Variants in TPD52L1 observed in about 807,000 individuals in gnomAD.
TPD52L1 encodes TPD52 like 1.
A neutral mutation model predicts 28.7 loss-of-function variants in TPD52L1; 18 were observed. That is an observed-to-expected ratio of 0.63 (90% CI 0.43 to 0.93). The LOEUF (loss-of-function observed/expected upper bound fraction) is 0.93. Ranked by LOEUF, TPD52L1 falls within the 40% of genes least tolerant of loss-of-function variation. The probability of loss-of-function intolerance (pLI) is 0.00; values close to 1 mark genes in which losing one functional copy is unlikely to be tolerated. For missense variants in TPD52L1, 203 were observed against 254.8 expected, an observed-to-expected ratio of 0.80 and a Z score of 1.39; for synonymous variants, 75 against 88.8, an observed-to-expected ratio of 0.84 and a Z score of 0.88.
rs1356589722 is a variant in TPD52L1, at chr6:125,251,051, TTA to T, written c.387-2665_387-2664del. Among the ~76,000 whole-genome samples, 3 of 152,204 alleles carry T rather than the reference TTA, an allele frequency of 2.0e-5. No homozygotes were observed. In the East Asian group the frequency reaches 5.8e-4, roughly 29 times the overall value. Reference sequence around the variant, plus strand: ...AAAGCAACAAGTTTTACAAAGATTTTTACTTTTAAATTATGCCCAAACAAGTA... The same window carrying T: ...AAAGCAACAAGTTTTACAAAGATTTTCTTTTAAATTATGCCCAAACAAGTA... On this transcript the variant is annotated intron_variant, in intron 4 of 6. Transcript: ENST00000534000.
chr6:125,215,415 G>C (rs940075102), intron 1 of TPD52L1, among the ~76,000 whole-genome samples: 1 of 152,042 alleles, frequency 6.6e-6, no homozygotes, highest in African/African-American at 2.4e-5. Context: ...TTTTCATTTT[G>C]TCTCTGTTTA....
At chr6:125,197,942 G>A (rs966190684) in intron 1 of TPD52L1, among the ~76,000 whole-genome samples, 5 of 152,212 alleles carry the variant, frequency 3.3e-5, no homozygotes, top group Non-Finnish European at 5.9e-5. Context: ...GGCAGGCCAA[G>A]GGATCGGTTA....
At chr6:125,220,700 A>G (rs1430215229) in intron 2 of TPD52L1, among the ~76,000 whole-genome samples, 1 of 152,190 alleles carries the variant, frequency 6.6e-6, no homozygotes, top group African/African-American at 2.4e-5. Context: ...GGTAGAGAGG[A>G]AAGCAATGCT....
chr6:125,156,537 G>A (rs1186878806), intron 1 of TPD52L1, among the ~76,000 whole-genome samples: 1 of 151,490 alleles, frequency 6.6e-6, no homozygotes, highest in African/African-American at 2.4e-5. Flanking sequence ...TGGGAGGCTG[G>A]AGGAGACAGA....
At chr6:125,196,765 C>T (rs147256977) in intron 1 of TPD52L1, among the ~76,000 whole-genome samples, 14 of 152,236 alleles carry the variant, frequency 9.2e-5, no homozygotes, top group East Asian at 3.9e-4. Flanking sequence ...ATGGTGTCTA[C>T]GGACTTATAA....
chr6:125,194,084 C>T (rs1194012238), intron 1 of TPD52L1, among the ~76,000 whole-genome samples: 2 of 140,208 alleles, frequency 1.4e-5, no homozygotes, highest in East Asian at 4.2e-4. Flanking sequence ...AGGCCCCATG[C>T]TTTTTAGTTT....
chr6:125,238,509 G>A (rs1796417534), intron 3 of TPD52L1, among the ~76,000 whole-genome samples: 1 of 150,058 alleles, frequency 6.7e-6, no homozygotes, highest in Non-Finnish European at 1.5e-5. Context: ...CACCCCCCTC[G>A]AACCCTTTCC....
intron 1 of TPD52L1, among the ~76,000 whole-genome samples, chr6:125,214,636 A>G (rs531760931): frequency 6.6e-6 from 1 of 152,312 alleles, no homozygotes; most frequent in African/African-American, 2.4e-5. Context: ...AAATGCCAAA[A>G]TCCTAAATAT....
chr6:125,212,763 A>G (rs1249953010), intron 1 of TPD52L1, among the ~76,000 whole-genome samples: 1 of 152,238 alleles, frequency 6.6e-6, no homozygotes, highest in Admixed American at 6.5e-5. Flanking sequence ...GACCACAGTG[A>G]ACATTGTGAC....
chr6:125,204,868 T>C (rs1490045897), intron 1 of TPD52L1, among the ~76,000 whole-genome samples: 1 of 152,162 alleles, frequency 6.6e-6, no homozygotes, highest in East Asian at 1.9e-4. Flanking sequence ...ATTGAACACC[T>C]AGTGTGAACA....
intron 1 of TPD52L1, among the ~76,000 whole-genome samples, chr6:125,176,244 C>G (rs954907119): frequency 6.6e-6 from 1 of 152,156 alleles, no homozygotes; most frequent in African/African-American, 2.4e-5. Flanking sequence ...GCTAGTTCAT[C>G]GAGATTTATG....
intron 1 of TPD52L1, among the ~76,000 whole-genome samples, chr6:125,165,419 G>A (rs186778588): frequency 6.6e-6 from 1 of 152,264 alleles, no homozygotes; most frequent in East Asian, 1.9e-4. Context: ...CTCACAGTGT[G>A]AATCGTTTAT....
intron 1 of TPD52L1, among the ~76,000 whole-genome samples, chr6:125,175,767 A>G (rs1437998725): frequency 6.6e-6 from 1 of 152,318 alleles, no homozygotes; most frequent in East Asian, 1.9e-4. Flanking sequence ...TGCTCATTCA[A>G]ACTTTTATGG....
chr6:125,165,092 A>ATATATATATATAAATATATATT, intron 1 of TPD52L1, among the ~76,000 whole-genome samples: 1 of 104,200 alleles, frequency 9.6e-6, no homozygotes, highest in Admixed American at 1.0e-4. Context: ...AAAGATATAT[A>ATATATATATATAAATATATATT]TATATATTTT....
chr6:125,153,850 G>T lies in TPD52L1; in HGVS notation c.-102G>T. On this transcript the variant is annotated 5_prime_UTR_variant, in exon 1 of 7. Coordinates refer to ENST00000534000, the MANE Select transcript of TPD52L1 (RefSeq NM_003287.4). ...CGCGACACGCGTGCCAGGAGTGGGA[G>T]CGAGCGGCGGGGCCAGCTGCGTTCT... 2.2e-6 allele frequency: 3 copies of T among 1,374,584 alleles called. No homozygotes were observed. In the East Asian group the frequency reaches 8.2e-5, roughly 37 times the overall value. The allele number at this position is 1,374,584 out of a possible 1,614,324, so 85.1% of individuals were successfully genotyped here.
At position 125,159,862 on chromosome 6, in the gene TPD52L1, C is replaced by G. The variant is rs189185454; in HGVS notation, c.19+5892C>G. Among the ~76,000 whole-genome samples, 303 of 152,264 alleles carry G rather than the reference C, an allele frequency of 2.0e-3. 1 individual carries two copies. The highest frequency in any genetic ancestry group is 4.4e-3 in the Admixed American group (68 of 15,298). ...GATATTGTTTGGCTGTGTCCCCACC[C>G]AAATCTCATCTTGAATTGTAGCTCC... On this transcript the variant is annotated intron_variant, in intron 1 of 6. Coordinates refer to ENST00000534000, the MANE Select transcript of TPD52L1 (RefSeq NM_003287.4).
chr6:125,174,104 T>C (rs1301792799), intron 1 of TPD52L1, among the ~76,000 whole-genome samples: 2 of 152,322 alleles, frequency 1.3e-5, no homozygotes, highest in East Asian at 1.9e-4. Context: ...CTTGTGATGA[T>C]TGAGTGGCAT....
chr6:125,249,691 C>CAAAAA (rs11431442), intron 4 of TPD52L1, among the ~76,000 whole-genome samples: 3 of 75,178 alleles, frequency 4.0e-5, no homozygotes, highest in African/African-American at 1.2e-4. Context: ...GACTCTGTCT[C>CAAAAA]AAAAAAAAAA....
chr6:125,201,394 G>T (rs1029619042), intron 1 of TPD52L1, among the ~76,000 whole-genome samples: 1 of 152,092 alleles, frequency 6.6e-6, no homozygotes, highest in Non-Finnish European at 1.5e-5. Flanking sequence ...TACAGTGTGG[G>T]TATATTATAC....
Sources: allele counts gnomAD v4.1 joint callset (sites outside exome capture counted in the v4.1 genomes callset), GRCh38; gene constraint gnomAD v4.1.1; transcripts MANE v1.5; gene names NCBI Gene and HGNC (gene_info 2026-07-23, HGNC 2026-07-21).